The following MSRA variants were observed in gnomAD, a reference collection of about 807,000 sequenced individuals.
MSRA encodes the protein methionine sulfoxide reductase A.
In MSRA, 54 loss-of-function variants were observed where a neutral mutation model predicts 31.3. The ratio of observed to expected loss-of-function variants is 1.73; its 90% CI spans 1.39 to 2.17. MSRA has a LOEUF of 2.17. Among genes scored for constraint, MSRA ranks in the 30% most tolerant of loss-of-function variants. The probability of loss-of-function intolerance (pLI) is 0.00; values close to 1 mark genes in which losing one functional copy is unlikely to be tolerated. For synonymous variants in MSRA, 169 were observed against 116.5 expected, an observed-to-expected ratio of 1.45 and a Z score of -2.90; for missense variants, 507 against 300.9, an observed-to-expected ratio of 1.69 and a Z score of -5.07.
chr8:10,245,169 G>C lies in MSRA; in HGVS notation c.277G>C (p.Val93Leu). 6.2e-7 allele frequency: 1 copy of C among 1,613,844 alleles called. No individual in the cohort carries two copies. The highest frequency in any genetic ancestry group is 8.5e-7 in the Non-Finnish European group (1 of 1,179,882). The stretch of plus-strand genomic sequence containing the variant: ...CTTGAAAGGAGTGTATTCAACTCAA[G>C]TTGGTTTTGCAGGAGGCTATACTTC... ...WVLKGVYSTQVGFAGGYTSNP... is the reference protein window; with the variant it reads ...WVLKGVYSTQLGFAGGYTSNP... Residue 93 changes from valine to leucine, a missense_variant, in exon 3 of 6, where the codon GTT becomes CTT. By Grantham distance (32) the Val-to-Leu change is conservative. Coordinates refer to ENST00000317173, the MANE Select transcript of MSRA (RefSeq NM_012331.5).
chr8:10,299,603 A>G (rs1206718018), intron 3 of MSRA, among the ~76,000 whole-genome samples: 2 of 152,172 alleles, frequency 1.3e-5, no homozygotes, highest in Admixed American at 1.3e-4. Flanking sequence ...GGACATGCCA[A>G]TTAGAGCAAA....
At chr8:10,077,685 T>C (rs542659195) in intron 1 of MSRA, among the ~76,000 whole-genome samples, 1 of 152,086 alleles carries the variant, frequency 6.6e-6, no homozygotes, top group Admixed American at 6.5e-5. Context: ...CCCTCACTCT[T>C]CCCTCCCTCG....
At chr8:10,095,983 A>T in intron 1 of MSRA, 2 of 1,407,808 alleles carry the variant, frequency 1.4e-6, no homozygotes, top group Non-Finnish European at 1.9e-6. Flanking sequence ...AAGTTTGTTC[A>T]TCAATACAAA....
chr8:10,422,608 C>G (rs1157351613), intron 5 of MSRA, among the ~76,000 whole-genome samples: 1 of 152,168 alleles, frequency 6.6e-6, no homozygotes, highest in Non-Finnish European at 1.5e-5. Flanking sequence ...AAAAATGCCA[C>G]AAGCAAAAGT....
chr8:10,333,672 G>A lies in MSRA; in HGVS notation c.543+13683G>A, dbSNP rs370971778. ...GTCACAGAACAGGGGCCTGGGCAATGCCAGATGCTTCTTTTTCAGCTCCCC... is the reference window on the plus strand; with the variant it reads ...GTCACAGAACAGGGGCCTGGGCAATACCAGATGCTTCTTTTTCAGCTCCCC... On this transcript the variant is annotated intron_variant, in intron 5 of 5. Coordinates refer to ENST00000317173, the MANE Select transcript of MSRA (RefSeq NM_012331.5). Among the ~76,000 whole-genome samples, 38 of 152,328 alleles carry A rather than the reference G, an allele frequency of 2.5e-4. No individual in the cohort carries two copies. In the East Asian group the frequency reaches 6.4e-3, roughly 26 times the overall value.
At chr8:10,246,546 A>G (rs1213771007) in intron 3 of MSRA, among the ~76,000 whole-genome samples, 1 of 152,216 alleles carries the variant, frequency 6.6e-6, no homozygotes, top group Non-Finnish European at 1.5e-5. Flanking sequence ...AAAGTCTTAA[A>G]TAAGTGTGGT....
chr8:10,149,559 T>C (rs1218248862), intron 1 of MSRA, among the ~76,000 whole-genome samples: 1 of 152,146 alleles, frequency 6.6e-6, no homozygotes, highest in Non-Finnish European at 1.5e-5. Context: ...CAATTTCCCC[T>C]TTTTGCAGAG....
intron 1 of MSRA, among the ~76,000 whole-genome samples, chr8:10,125,677 C>G (rs942863362): frequency 9.2e-5 from 14 of 152,198 alleles, no homozygotes; most frequent in African/African-American, 3.4e-4. Flanking sequence ...CACAGTCAGC[C>G]GAAAGTCTCT....
intron 1 of MSRA, among the ~76,000 whole-genome samples, chr8:10,118,450 T>C (rs543392611): frequency 6.6e-6 from 1 of 152,236 alleles, no homozygotes; most frequent in African/African-American, 2.4e-5. Flanking sequence ...ATAACCTCCC[T>C]GAGGAAATGC....
At chr8:10,116,935 T>C (rs1295445719) in intron 1 of MSRA, among the ~76,000 whole-genome samples, 2 of 152,172 alleles carry the variant, frequency 1.3e-5, no homozygotes, top group African/African-American at 2.4e-5. Context: ...CATTGCACTC[T>C]AGCCTGGGCA....
chr8:10,252,664 T>A (rs1797977469), intron 3 of MSRA, among the ~76,000 whole-genome samples: 1 of 152,226 alleles, frequency 6.6e-6, no homozygotes, highest in Non-Finnish European at 1.5e-5. Context: ...GGGGACTGCC[T>A]GGGCCTGCAG....
chr8:10,065,967 CT>C (rs1391142841), intron 1 of MSRA, among the ~76,000 whole-genome samples: 5 of 149,866 alleles, frequency 3.3e-5, no homozygotes, highest in African/African-American at 1.2e-4. Context: ...ATGGCTGAAA[CT>C]TCAATTATAT....
intron 5 of MSRA, among the ~76,000 whole-genome samples, chr8:10,351,245 CTTTTTTTT>C (rs71203317): frequency 1.8e-5 from 1 of 56,808 alleles, no homozygotes; most frequent in African/African-American, 7.0e-5. Context: ...CTGAAGGAGA[CTTTTTTTT>C]TTTTTTTTTT....
rs138533460 is a variant in MSRA at position 10,317,704 on chromosome 8, C to T, written c.437-2179C>T. On this transcript the variant is annotated intron_variant, in intron 4 of 5. Transcript: ENST00000317173. ...CACTGAAAGTCCACTGCTTGCTTTC[C>T]TGGTACATCAAGACAGCCAAATAGT... Among the ~76,000 whole-genome samples, 715 of 152,284 alleles carry T rather than the reference C, an allele frequency of 4.7e-3. 5 individuals carry two copies. Among genetic ancestry groups the T allele is most frequent in the African/African-American group, 0.016 (678 of 41,554 alleles).
chr8:10,086,867 GGAGGGAGAGGGAGAGAGA>G (rs1419310854), intron 1 of MSRA, among the ~76,000 whole-genome samples: 3 of 150,018 alleles, frequency 2.0e-5, no homozygotes, highest in Admixed American at 6.6e-5. Context: ...GAGAAGAGAG[GGAGGGAGAGGGAGAGAGA>G]GAGGGAGAGG....
chr8:10,392,704 A>G (rs567072680), intron 5 of MSRA, among the ~76,000 whole-genome samples: 39 of 148,008 alleles, frequency 2.6e-4, no homozygotes, highest in African/African-American at 9.4e-4. Flanking sequence ...TAAATCTATG[A>G]TATTGGGAAG....
chr8:10,219,399 C>T (rs947461409), intron 2 of MSRA, among the ~76,000 whole-genome samples: 1 of 152,054 alleles, frequency 6.6e-6, no homozygotes, highest in Admixed American at 6.5e-5. Flanking sequence ...ATTTACTGAC[C>T]CACTTCTTTT....
intron 5 of MSRA, among the ~76,000 whole-genome samples, chr8:10,403,629 G>A (rs1348158901): frequency 2.0e-5 from 3 of 152,234 alleles, no homozygotes; most frequent in Admixed American, 6.5e-5. Flanking sequence ...CTTGTGCCTC[G>A]TGTGTGTCTG....
intron 5 of MSRA, among the ~76,000 whole-genome samples, chr8:10,338,480 G>A (rs983609001): frequency 6.6e-6 from 1 of 152,074 alleles, no homozygotes; most frequent in African/African-American, 2.4e-5. Flanking sequence ...ATAACTAAGA[G>A]CACATTTAAC....
Sources: allele counts gnomAD v4.1 joint callset (sites outside exome capture counted in the v4.1 genomes callset), GRCh38; gene constraint gnomAD v4.1.1; transcripts MANE v1.5; gene names NCBI Gene and HGNC (gene_info 2026-07-23, HGNC 2026-07-21).